The following CDC42SE2 variants were observed in gnomAD, a reference collection of about 807,000 sequenced individuals.
CDC42SE2 encodes CDC42 small effector 2.
A neutral mutation model predicts 11.5 loss-of-function variants in CDC42SE2; 3 were observed. The observed-to-expected ratio is 0.26, with a 90% confidence interval of 0.12 to 0.67. CDC42SE2 has a LOEUF of 0.67. Among genes scored for constraint, CDC42SE2 ranks in the 30% least tolerant of loss-of-function variants. The probability of loss-of-function intolerance (pLI) is 0.80; values close to 1 mark genes in which losing one functional copy is unlikely to be tolerated. For synonymous variants in CDC42SE2, 33 were observed against 34.8 expected (o/e 0.95, Z 0.18); for missense variants, 82 against 106.8 (o/e 0.77, Z 1.02).
chr5:131,231,445 C>G, the CDC42SE2 span, among the ~76,000 whole-genome samples: 1 of 151,926 alleles, frequency 6.6e-6, no homozygotes, highest in African/African-American at 2.4e-5. Context: ...CATGCAAAAG[C>G]AACAAAAAAA....
intron 1 of CDC42SE2, among the ~76,000 whole-genome samples, chr5:131,268,235 A>G (rs1756913446): frequency 2.0e-5 from 3 of 148,486 alleles, no homozygotes; most frequent in Admixed American, 6.7e-5. Context: ...ACTAATTTCT[A>G]TATTTTTAGT....
At position 131,377,463 on chromosome 5, in the gene CDC42SE2, C is replaced by T. The variant is rs374096246; in HGVS notation, c.55-8080C>T. On this transcript the variant is annotated intron_variant, in intron 3 of 4. Coordinates refer to ENST00000505065, the MANE Select transcript of CDC42SE2 (RefSeq NM_001375635.1). The stretch of plus-strand genomic sequence containing the variant: ...GGCTTACAGGCGTGAGCCACCACGC[C>T]TGGCCTGACTTTTTAATAATAGTCA... 1.4e-4 allele frequency among the ~76,000 whole-genome samples: 21 copies of T among 152,332 alleles called. No homozygotes were observed. In the East Asian group the frequency reaches 1.7e-3, roughly 13 times the overall value.
intron 3 of CDC42SE2, among the ~76,000 whole-genome samples, chr5:131,369,228 T>C (rs1219560691): frequency 2.0e-5 from 3 of 152,218 alleles, no homozygotes; most frequent in Non-Finnish European, 4.4e-5. Flanking sequence ...AATGGTATAT[T>C]TATAAGATTG....
intron 1 of CDC42SE2, among the ~76,000 whole-genome samples, chr5:131,273,416 AAAG>A (rs1757034549): frequency 6.7e-6 from 1 of 149,822 alleles, no homozygotes; most frequent in Non-Finnish European, 1.5e-5. Context: ...TTGGCCTCCC[AAAG>A]TGCTGGGATT....
chr5:131,218,174 C>CAAAA, the CDC42SE2 span, among the ~76,000 whole-genome samples: 46 of 74,766 alleles, frequency 6.2e-4, no homozygotes, highest in Middle Eastern at 6.5e-3. Flanking sequence ...GACCCTGTCT[C>CAAAA]AAAAAAAAAA....
At chr5:131,344,376 C>T (rs1242698716) in intron 2 of CDC42SE2, among the ~76,000 whole-genome samples, 2 of 152,178 alleles carry the variant, frequency 1.3e-5, no homozygotes. Flanking sequence ...TAAGAGGGTC[C>T]CATGCCCACG....
At chr5:131,251,508 C>A (rs1019503553) in intron 1 of CDC42SE2, among the ~76,000 whole-genome samples, 4 of 152,010 alleles carry the variant, frequency 2.6e-5, no homozygotes, top group Non-Finnish European at 5.9e-5. Flanking sequence ...TTTATCTTTG[C>A]ATTTAACATG....
At position 131,293,032 on chromosome 5, in the gene CDC42SE2, T is replaced by A. The variant is rs556522742; in HGVS notation, c.-454-22944T>A. Among the ~76,000 whole-genome samples, 5 of 152,162 alleles carry A rather than the reference T, an allele frequency of 3.3e-5. No homozygotes were observed. The South Asian group carries it at 8.3e-4, about 25-fold the overall frequency. On this transcript the variant is annotated intron_variant, in intron 1 of 4. Coordinates refer to ENST00000505065, the MANE Select transcript of CDC42SE2 (RefSeq NM_001375635.1). The stretch of plus-strand genomic sequence containing the variant: ...TATTTTGATAATACTACTTGCACAT[T>A]TGTCAGATTTTAATAATCTAAAAAT...
At chr5:131,376,915 A>T (rs1750171442) in intron 3 of CDC42SE2, among the ~76,000 whole-genome samples, 1 of 152,198 alleles carries the variant, frequency 6.6e-6, no homozygotes. Flanking sequence ...GGTTGATGCC[A>T]TGACTTTGCG....
intron 2 of CDC42SE2, among the ~76,000 whole-genome samples, chr5:131,319,700 A>C (rs1242723792): frequency 6.6e-6 from 1 of 152,218 alleles, no homozygotes; most frequent in Non-Finnish European, 1.5e-5. Flanking sequence ...AGATTAGTTG[A>C]ATCTAAAATT....
chr5:131,393,353 G>A lies in CDC42SE2; in HGVS notation c.*2262G>A, dbSNP rs1355943572. On this transcript the variant is annotated 3_prime_UTR_variant, in exon 5 of 5. Coordinates refer to ENST00000505065, the MANE Select transcript of CDC42SE2 (RefSeq NM_001375635.1). ...AAATTTAATTTACCCAGTACAGCGG[G>A]GCACCAGATTACTTGATCTTTGTAT... The A allele has an allele frequency of 6.6e-6, 1 of 152,318 alleles. No homozygotes were observed. The allele number at this position is 152,318 out of a possible 1,614,324, so 9.4% of individuals were successfully genotyped here.
intron 1 of CDC42SE2, among the ~76,000 whole-genome samples, chr5:131,280,021 C>T (rs1350721703): frequency 1.3e-5 from 2 of 152,168 alleles, no homozygotes; most frequent in Non-Finnish European, 2.9e-5. Context: ...GAGCTGAGCT[C>T]ACACCACTGC....
chr5:131,309,026 T>G (rs1339507706), intron 1 of CDC42SE2, among the ~76,000 whole-genome samples: 1 of 150,928 alleles, frequency 6.6e-6, no homozygotes, highest in East Asian at 2.0e-4. Flanking sequence ...CTTGTGCCAG[T>G]TTTCAAAGGG....
intron 2 of CDC42SE2, among the ~76,000 whole-genome samples, chr5:131,342,905 GTTTCA>G (rs952805824): frequency 6.7e-6 from 1 of 149,830 alleles, no homozygotes; most frequent in Non-Finnish European, 1.5e-5. Flanking sequence ...TAGGAACGGG[GTTTCA>G]TTGTGTTGGC....
At chr5:131,216,501 C>CAAAAAAAAAAAAAAAA in the CDC42SE2 span, among the ~76,000 whole-genome samples, 47 of 42,152 alleles carry the variant, frequency 1.1e-3, 1 homozygote, top group African/African-American at 3.5e-3. Context: ...GAACCTGTCT[C>CAAAAAAAAAAAAAAAA]AAAAAAAAAA....
chr5:131,366,563 G>GT (rs1482565212), intron 3 of CDC42SE2, among the ~76,000 whole-genome samples: 10 of 151,672 alleles, frequency 6.6e-5, no homozygotes, highest in South Asian at 2.1e-4. Flanking sequence ...TTTTTTGTTT[G>GT]TTTTTTTGTT....
intron 2 of CDC42SE2, among the ~76,000 whole-genome samples, chr5:131,334,734 T>G (rs1187434033): frequency 6.6e-6 from 1 of 152,220 alleles, no homozygotes; most frequent in Non-Finnish European, 1.5e-5. Context: ...TTCTTCTAGA[T>G]TTTCTAGTTT....
chr5:131,219,577 G>A, the CDC42SE2 span, among the ~76,000 whole-genome samples: 229 of 152,218 alleles, frequency 1.5e-3, no homozygotes, highest in Non-Finnish European at 1.7e-3. Flanking sequence ...ATTAACTATT[G>A]TACTCAGAAC....
chr5:131,219,584 G>T, the CDC42SE2 span, among the ~76,000 whole-genome samples: 1 of 152,124 alleles, frequency 6.6e-6, no homozygotes, highest in Non-Finnish European at 1.5e-5. Context: ...ATTGTACTCA[G>T]AACTTGGGCT....
Sources: gnomAD v4.1 joint callset for allele counts (sites outside exome capture counted in the v4.1 genomes callset) on GRCh38, gnomAD v4.1.1 for gene constraint, MANE v1.5 for transcripts, NCBI Gene and HGNC (gene_info 2026-07-23, HGNC 2026-07-21) for gene names.